Variants in CMIP observed in about 807,000 individuals in gnomAD.
CMIP encodes the protein C-Maf-inducing protein.
Under a neutral mutation model 97.3 loss-of-function variants are expected in CMIP, and 13 were observed. That is an observed-to-expected ratio of 0.13 (90% confidence interval 0.09 to 0.21). The LOEUF is 0.21. Among genes scored for constraint, CMIP ranks in the 10% least tolerant of loss-of-function variants. The probability of loss-of-function intolerance (pLI) is 1.00; values close to 1 mark genes in which losing one functional copy is unlikely to be tolerated. For missense variants in CMIP, 847 were observed against 1,024.9 expected (o/e 0.83, Z 2.37); for synonymous variants, 538 against 436.3 (o/e 1.23, Z -2.91).
chr16:81,476,870 C>T (rs752583804), intron 1 of CMIP, among the ~76,000 whole-genome samples: 1 of 152,092 alleles, frequency 6.6e-6, no homozygotes, highest in Non-Finnish European at 1.5e-5. Context: ...TACTTCCCGA[C>T]GTCAGCCAAG....
At chr16:81,482,103 T>A (rs946571767) in intron 1 of CMIP, among the ~76,000 whole-genome samples, 1 of 152,146 alleles carries the variant, frequency 6.6e-6, no homozygotes, top group Non-Finnish European at 1.5e-5. Context: ...GGTTTCGAAC[T>A]ACTGACCGCA....
rs572520792 is a variant in CMIP at position 81,521,934 on chromosome 16, A to G, written c.300+76393A>G. On this transcript the variant is annotated intron_variant, in intron 1 of 20. Transcript: ENST00000537098. ...AGAAAGGCCAGTGTCTGATACAGTGAAATGCAGGGTACAGAATATTGTTTC... is the reference window on the plus strand; with the variant it reads ...AGAAAGGCCAGTGTCTGATACAGTGGAATGCAGGGTACAGAATATTGTTTC... Among the ~76,000 whole-genome samples the G allele has an allele frequency of 4.6e-5, 7 of 152,364 alleles. No homozygotes were observed. In the South Asian group the frequency reaches 1.4e-3, roughly 32 times the overall value.
chr16:81,703,351 C>A (rs1402723879), intron 17 of CMIP, among the ~76,000 whole-genome samples: 1 of 152,044 alleles, frequency 6.6e-6, no homozygotes, highest in Non-Finnish European at 1.5e-5. Flanking sequence ...TTAGGAACCT[C>A]CCAGTCCGGT....
chr16:81,582,847 C>T lies in CMIP; in HGVS notation c.301-24720C>T, dbSNP rs556536834. On this transcript the variant is annotated intron_variant, in intron 1 of 20. Transcript: ENST00000537098. ...CAGCACAAAGTCGGCGGGGGTAAAA[C>T]GAAAATGACAGAAAGAAAATGAAGA... Among the ~76,000 whole-genome samples, 125 of 152,150 alleles carry T rather than the reference C, an allele frequency of 8.2e-4. 1 individual carries two copies. The highest frequency in any genetic ancestry group is 2.8e-3 in the African/African-American group (115 of 41,514).
intron 1 of CMIP, among the ~76,000 whole-genome samples, chr16:81,565,290 T>C (rs1597094574): frequency 6.6e-6 from 1 of 152,276 alleles, no homozygotes; most frequent in African/African-American, 2.4e-5. Context: ...TGGGTGGCAG[T>C]GGGCTTTCTC....
At chr16:81,456,631 T>G (rs933193525) in intron 1 of CMIP, among the ~76,000 whole-genome samples, 6 of 152,208 alleles carry the variant, frequency 3.9e-5, no homozygotes, top group Non-Finnish European at 8.8e-5. Context: ...ATGAGCAAAC[T>G]GAGGCCCGGA....
chr16:81,645,159 G>A (rs1294277585), intron 3 of CMIP, among the ~76,000 whole-genome samples: 1 of 152,248 alleles, frequency 6.6e-6, no homozygotes, highest in East Asian at 1.9e-4. Flanking sequence ...TTCAGTGTGC[G>A]TAGCCACCTG....
At chr16:81,671,329 C>T (rs2092681405) in intron 8 of CMIP, among the ~76,000 whole-genome samples, 1 of 152,176 alleles carries the variant, frequency 6.6e-6, no homozygotes, top group Admixed American at 6.5e-5. Context: ...GTGACAGCAG[C>T]CTCGATGACA....
intron 1 of CMIP, among the ~76,000 whole-genome samples, chr16:81,478,148 T>C (rs1003707500): frequency 6.6e-6 from 1 of 151,344 alleles, no homozygotes; most frequent in African/African-American, 2.4e-5. Flanking sequence ...AGGGCCAGTC[T>C]CCACTTCACT....
chr16:81,636,318 C>T (rs922280352), intron 3 of CMIP, among the ~76,000 whole-genome samples: 1 of 152,098 alleles, frequency 6.6e-6, no homozygotes, highest in Non-Finnish European at 1.5e-5. Context: ...TGTGGTGGCT[C>T]GTGCCTGTAA....
In CMIP at chr16:81,597,862, C is replaced by T. The variant is rs376030498; in HGVS notation, c.301-9705C>T. 2.0e-5 allele frequency among the ~76,000 whole-genome samples: 3 copies of T among 152,220 alleles called. No homozygotes were observed. The East Asian group carries it at 5.8e-4, about 30-fold the overall frequency. ...CTTCAGGGATCATCTGTCTCCCCCCCAGCTTGATGGCTCTGTGATGGCAGA... is the reference window on the plus strand; with the variant it reads ...CTTCAGGGATCATCTGTCTCCCCCCTAGCTTGATGGCTCTGTGATGGCAGA... On this transcript the variant is annotated intron_variant, in intron 1 of 20. Transcript: ENST00000537098.
intron 7 of CMIP, chr16:81,665,617 C>T (rs1331840773): frequency 1.3e-5 from 2 of 152,160 alleles, no homozygotes; most frequent in African/African-American, 4.8e-5. Flanking sequence ...ATTTTAGAGT[C>T]TCCTGGAGCA....
intron 20 of CMIP, among the ~76,000 whole-genome samples, chr16:81,708,347 G>A (rs1908383465): frequency 6.6e-6 from 1 of 152,226 alleles, no homozygotes; most frequent in Admixed American, 6.5e-5. Context: ...GCCACCCCAG[G>A]TAACCCCACC....
intron 1 of CMIP, among the ~76,000 whole-genome samples, chr16:81,545,828 A>G (rs9319570): frequency 0.073 from 11,119 of 152,194 alleles, 461 homozygotes; most frequent in African/African-American, 0.11. Context: ...AGGATTTTCC[A>G]CACACAGTAC....
intron 1 of CMIP, among the ~76,000 whole-genome samples, chr16:81,570,493 G>GC (rs2091068339): frequency 6.6e-6 from 1 of 152,124 alleles, no homozygotes; most frequent in Non-Finnish European, 1.5e-5. Flanking sequence ...GCTAACAATG[G>GC]CCTCCTGGCA....
At chr16:81,491,372 A>G (rs947957588) in intron 1 of CMIP, among the ~76,000 whole-genome samples, 1 of 152,172 alleles carries the variant, frequency 6.6e-6, no homozygotes, top group Non-Finnish European at 1.5e-5. Context: ...TTTTCTTGGT[A>G]AAAACGGGGT....
intron 1 of CMIP, among the ~76,000 whole-genome samples, chr16:81,531,471 G>A (rs1458452289): frequency 1.3e-5 from 2 of 152,194 alleles, no homozygotes; most frequent in Non-Finnish European, 2.9e-5. Flanking sequence ...GGACATCAAT[G>A]CCCTCAGTCC....
intron 1 of CMIP, among the ~76,000 whole-genome samples, chr16:81,603,173 G>C (rs1040212509): frequency 9.2e-5 from 14 of 152,058 alleles, no homozygotes; most frequent in Admixed American, 6.5e-5. Flanking sequence ...TTCACCTCCC[G>C]GGTTCACGCC....
rs993894168 is a variant in CMIP, at chr16:81,614,821, GTATA to G, written c.427-6053_427-6050del. On this transcript the variant is annotated intron_variant, in intron 2 of 20. Coordinates refer to ENST00000537098, the MANE Select transcript of CMIP (RefSeq NM_198390.3). This position sits in a 1 kb window ranked among gnomAD's most constrained non-coding sequence, Gnocchi z 5.3. The stretch of plus-strand genomic sequence containing the variant: ...TGATATGTGTGTTTATATGTGGTAT[GTATA>G]TGTGTATACGGTGTGTATGCACATG... 6.6e-6 allele frequency among the ~76,000 whole-genome samples: 1 copy of G among 151,642 alleles called. No homozygotes were observed. Among genetic ancestry groups the G allele is most frequent in the Admixed American group, 6.6e-5 (1 of 15,236 alleles).
Sources: allele counts gnomAD v4.1 joint callset (sites outside exome capture counted in the v4.1 genomes callset), GRCh38; gene constraint gnomAD v4.1.1; non-coding constraint Gnocchi (gnomAD v3.1); transcripts MANE v1.5; gene names NCBI Gene and HGNC (gene_info 2026-07-23, HGNC 2026-07-21).